Variants in CCDC178 observed in about 807,000 individuals in gnomAD.
CCDC178 encodes the protein coiled-coil domain-containing protein 178.
A neutral mutation model predicts 117.4 loss-of-function variants in CCDC178; 126 were observed. The ratio of observed to expected loss-of-function variants is 1.07; its 90% CI spans 0.93 to 1.24. The LOEUF (loss-of-function observed/expected upper bound fraction) is 1.24, where lower values mean the gene tolerates loss of function less well. Ranked by LOEUF, CCDC178 falls within the 50% of genes most tolerant of loss-of-function variation. CCDC178 has a pLI of 0.00. For missense variants in CCDC178, 1,030 were observed against 986.9 expected, an observed-to-expected ratio of 1.04 and a Z score of -0.59; for synonymous variants, 283 against 313.4, an observed-to-expected ratio of 0.90 and a Z score of 1.02.
Position 33,346,296 on chromosome 18 carries a change from C to A in CCDC178, c.573G>T (p.Gln191His). 1.2e-6 allele frequency: 2 copies of A among 1,613,906 alleles called. No individual in the cohort carries two copies. Among genetic ancestry groups the A allele is most frequent in the Non-Finnish European group, 1.7e-6 (2 of 1,179,872 alleles). ...RADAEEALKQ[Q>H]RSRKNMINMK... ...TGTTAATCATATTCTTTCTTGATCTCTGTTGTTTTAAAGCTTCTTCAGCGT... is the reference window on the plus strand; with the variant it reads ...TGTTAATCATATTCTTTCTTGATCTATGTTGTTTTAAAGCTTCTTCAGCGT... The change falls in exon 9 of 23, where the codon CAG (glutamine) becomes CAT (histidine). Residue 191 changes from glutamine to histidine, a missense_variant. By Grantham distance (24) the Gln-to-His change is conservative. Coordinates refer to ENST00000383096, the MANE Select transcript of CCDC178 (RefSeq NM_001105528.4).
chr18:33,143,724 T>C (rs1430253992), intron 20 of CCDC178, among the ~76,000 whole-genome samples: 3 of 152,264 alleles, frequency 2.0e-5, no homozygotes, highest in East Asian at 1.9e-4. Context: ...GGAATATTAG[T>C]GTAAAAGTTT....
At chr18:33,078,422 T>C (rs1451317412) in intron 21 of CCDC178, among the ~76,000 whole-genome samples, 1 of 152,072 alleles carries the variant, frequency 6.6e-6, no homozygotes, top group African/African-American at 2.4e-5. Context: ...GAATTGGAAG[T>C]CCTGGCCAGA....
intron 2 of CCDC178, among the ~76,000 whole-genome samples, chr18:33,418,241 T>C (rs1358485779): frequency 6.6e-6 from 1 of 152,158 alleles, no homozygotes; most frequent in East Asian, 1.9e-4. Context: ...AAAAACTACA[T>C]GATCATCTCA....
At chr18:33,388,948 T>C (rs1483115266) in intron 5 of CCDC178, among the ~76,000 whole-genome samples, 1 of 151,590 alleles carries the variant, frequency 6.6e-6, no homozygotes, top group Non-Finnish European at 1.5e-5. Flanking sequence ...TGAGAGCACG[T>C]GGACATAGGG....
At chr18:33,161,592 C>A (rs1000671960) in intron 20 of CCDC178, among the ~76,000 whole-genome samples, 1 of 152,130 alleles carries the variant, frequency 6.6e-6, no homozygotes, top group Non-Finnish European at 1.5e-5. Context: ...TGGCAGGAAT[C>A]CTCTCTCGAT....
chr18:33,005,550 C>A (rs116961898), intron 21 of CCDC178, among the ~76,000 whole-genome samples: 2 of 151,674 alleles, frequency 1.3e-5, no homozygotes, highest in Non-Finnish European at 2.9e-5. Flanking sequence ...TATTTGATAA[C>A]GCAACAGAGT....
At chr18:33,396,187 C>T (rs2063633457) in intron 4 of CCDC178, among the ~76,000 whole-genome samples, 1 of 151,830 alleles carries the variant, frequency 6.6e-6, no homozygotes, top group South Asian at 2.1e-4. Flanking sequence ...TGCCAAAAAG[C>T]ACATGAAAAA....
chr18:33,031,056 T>G (rs1270497013), intron 21 of CCDC178, among the ~76,000 whole-genome samples: 2 of 152,142 alleles, frequency 1.3e-5, no homozygotes, highest in African/African-American at 4.8e-5. Context: ...CCTGAAATTC[T>G]GATTCAATTT....
intron 14 of CCDC178, among the ~76,000 whole-genome samples, chr18:33,248,836 C>T (rs188493149): frequency 9.2e-5 from 14 of 152,158 alleles, no homozygotes; most frequent in East Asian, 7.8e-4. Flanking sequence ...CTTGAGGAAT[C>T]GCCACACTGT....
intron 21 of CCDC178, among the ~76,000 whole-genome samples, chr18:33,066,189 A>T (rs1025806569): frequency 6.6e-6 from 1 of 152,108 alleles, no homozygotes; most frequent in East Asian, 1.9e-4. Context: ...AAAGAGAAAT[A>T]AAATCTTTCC....
chr18:33,328,748 T>C (rs2062623362), intron 10 of CCDC178, among the ~76,000 whole-genome samples: 1 of 152,166 alleles, frequency 6.6e-6, no homozygotes, highest in African/African-American at 2.4e-5. Context: ...ACTTCTCCAA[T>C]GTGGTCTTCT....
intron 21 of CCDC178, among the ~76,000 whole-genome samples, chr18:33,043,886 A>C (rs1302410445): frequency 1.3e-5 from 2 of 151,862 alleles, no homozygotes; most frequent in South Asian, 2.1e-4. Context: ...GTTTAATTCA[A>C]CTTGTAGCAA....
intron 6 of CCDC178, among the ~76,000 whole-genome samples, chr18:33,359,167 C>T (rs2063095268): frequency 6.6e-6 from 1 of 151,618 alleles, no homozygotes; most frequent in South Asian, 2.1e-4. Context: ...TATAATTATC[C>T]AAAACTTCTG....
intron 20 of CCDC178, among the ~76,000 whole-genome samples, chr18:33,187,946 G>C (rs1406040936): frequency 1.3e-5 from 2 of 152,104 alleles, no homozygotes; most frequent in Non-Finnish European, 2.9e-5. Context: ...TTTCTGGGTA[G>C]TTCGATACTC....
At chr18:33,299,092 G>T (rs7237260) in intron 11 of CCDC178, among the ~76,000 whole-genome samples, 138,714 of 152,152 alleles carry the variant, frequency 0.91, 63,347 homozygotes, top group East Asian at 1. Context: ...ACCAATGACA[G>T]TATTCATAGA....
chr18:33,104,527 G>A (rs2057677193), intron 20 of CCDC178, among the ~76,000 whole-genome samples: 1 of 151,374 alleles, frequency 6.6e-6, no homozygotes, highest in African/African-American at 2.4e-5. Flanking sequence ...AATTATTTAA[G>A]GTCCTCTTGT....
intron 14 of CCDC178, among the ~76,000 whole-genome samples, chr18:33,259,218 C>T (rs941458220): frequency 6.6e-6 from 1 of 152,140 alleles, no homozygotes; most frequent in Non-Finnish European, 1.5e-5. Context: ...AAGGAAACCA[C>T]AGAATTAAGT....
intron 2 of CCDC178, among the ~76,000 whole-genome samples, chr18:33,433,184 C>G (rs1317395594): frequency 6.6e-6 from 1 of 152,074 alleles, no homozygotes; most frequent in Non-Finnish European, 1.5e-5. Flanking sequence ...AAATTGTTAC[C>G]TAGGGCTGAT....
At chr18:33,391,106 C>G (rs777715138) in intron 4 of CCDC178, among the ~76,000 whole-genome samples, 62 of 147,874 alleles carry the variant, frequency 4.2e-4, no homozygotes, top group Non-Finnish European at 7.7e-4. Flanking sequence ...TAAATTTACC[C>G]AAAAAGAACC....
Sources: gnomAD v4.1 joint callset for allele counts (sites outside exome capture counted in the v4.1 genomes callset) on GRCh38, gnomAD v4.1.1 for gene constraint, MANE v1.5 for transcripts, NCBI Gene and HGNC (gene_info 2026-07-23, HGNC 2026-07-21) for gene names.